PKD2: variants seen among roughly 807,000 people sequenced by gnomAD.
PKD2 encodes polycystin 2, transient receptor potential cation channel.
Under a neutral mutation model 105.9 loss-of-function variants are expected in PKD2, and 48 were observed. The observed-to-expected ratio is 0.45, with a 90% confidence interval of 0.36 to 0.58. The LOEUF is 0.58. PKD2 is among the 20% of genes least tolerant of loss of function. The probability of loss-of-function intolerance (pLI) is 0.00; values close to 1 mark genes in which losing one functional copy is unlikely to be tolerated. For synonymous variants in PKD2, 464 were observed against 481.1 expected (o/e 0.96, Z 0.46); for missense variants, 1,078 against 1,255.3 (o/e 0.86, Z 2.13).
chr4:88,034,594 G>C, intron 2 of PKD2, among the ~76,000 whole-genome samples: 1 of 151,434 alleles, frequency 6.6e-6, no homozygotes, highest in Admixed American at 6.6e-5. Context: ...CTTGAACCTG[G>C]GAGGGGGAGG....
rs1328188626 is a variant in PKD2, at chr4:88,072,174, G to C, written c.2523-2638G>C. 4.6e-5 allele frequency among the ~76,000 whole-genome samples: 7 copies of C among 151,598 alleles called. No individual in the cohort carries two copies. The East Asian group carries it at 1.4e-3, about 30-fold the overall frequency. On this transcript the variant is annotated intron_variant, in intron 13 of 14. Transcript: ENST00000237596. ...ATTTTTGCATTTTTTATAGAGATGGGGTTTTACCATGTTGCCCCGGCTGGT... is the reference window on the plus strand; with the variant it reads ...ATTTTTGCATTTTTTATAGAGATGGCGTTTTACCATGTTGCCCCGGCTGGT...
At chr4:88,055,919 G>A in intron 7 of PKD2, 167 bp from the exon 8 acceptor site, 3 of 636,332 alleles carry the variant, frequency 4.7e-6, no homozygotes, top group African/African-American at 1.8e-5. Flanking sequence ...TACAGTATTT[G>A]TCCTTTTGTG....
chr4:88,035,725 C>A (rs1727308479), intron 2 of PKD2, among the ~76,000 whole-genome samples: 1 of 152,172 alleles, frequency 6.6e-6, no homozygotes, highest in African/African-American at 2.4e-5. Flanking sequence ...GGGCACAGAA[C>A]AGGGCAGAGA....
At chr4:88,011,521 C>G (rs1391825793) in intron 1 of PKD2, among the ~76,000 whole-genome samples, 2 of 152,078 alleles carry the variant, frequency 1.3e-5, no homozygotes, top group Middle Eastern at 3.4e-3. Flanking sequence ...TAAGTCGACT[C>G]TTATTTCTCC....
intron 1 of PKD2, among the ~76,000 whole-genome samples, chr4:88,014,296 GTAGAAC>G (rs1726487846): frequency 6.6e-6 from 1 of 152,106 alleles, no homozygotes; most frequent in African/African-American, 2.4e-5. Context: ...GAATATGCAG[GTAGAAC>G]TACATGTTAA....
chr4:88,067,867 G>C (rs779473481), intron 12 of PKD2, 31 bp from the exon 13 acceptor site: 1 of 1,607,004 alleles, frequency 6.2e-7, no homozygotes, highest in South Asian at 1.1e-5. Context: ...TCAGTGTTCT[G>C]CTCCTCACTC....
chr4:88,065,990 ACT>A (rs144763357), intron 12 of PKD2, 111 bp downstream of exon 12: 1,801 of 709,914 alleles, frequency 2.5e-3, no homozygotes, highest in East Asian at 2.8e-3. Flanking sequence ...TCCCCACCAC[ACT>A]CTCTCTCTCT....
chr4:88,074,550 A>G (rs1193344291), intron 13 of PKD2, among the ~76,000 whole-genome samples: 1 of 152,204 alleles, frequency 6.6e-6, no homozygotes, highest in Non-Finnish European at 1.5e-5. Flanking sequence ...AAAATGTTCT[A>G]AAAATGGAAT....
intron 7 of PKD2, among the ~76,000 whole-genome samples, chr4:88,054,586 T>C (rs2728099): frequency 0.083 from 12,562 of 151,708 alleles, 712 homozygotes; most frequent in East Asian, 0.25. Flanking sequence ...AGTGCTTCTC[T>C]TGGAAATGTC....
chr4:88,065,587 CA>C (rs748665813), intron 11 of PKD2, 92 bp downstream of exon 11: 11 of 1,317,768 alleles, frequency 8.3e-6, no homozygotes, highest in Non-Finnish European at 9.8e-6. Context: ...AGGGCTCATA[CA>C]GATACTTTTT....
Position 88,008,024 on chromosome 4 carries a change from G to C in PKD2, c.291G>C (p.Glu97Asp). ...WSRDNPGFEA[E>D]EEEEEVEGEE... is the part of the protein sequence containing the mutation. ...GCGATAACCCCGGCTTCGAGGCCGAGGAGGAGGAGGAGGAGGTGGAAGGGG... is the reference window on the plus strand; with the variant it reads ...GCGATAACCCCGGCTTCGAGGCCGACGAGGAGGAGGAGGAGGTGGAAGGGG... Residue 97 changes from glutamate (E) to aspartate (D), a missense_variant, in exon 1 of 15, where the codon GAG becomes GAC. Glu to Asp is a conservative substitution (Grantham distance 45, BLOSUM62 2). Transcript: ENST00000237596. 1 of 1,204,598 alleles carries C rather than the reference G, an allele frequency of 8.3e-7. No individual in the cohort carries two copies. The highest frequency in any genetic ancestry group is 1.1e-6 in the Non-Finnish European group (1 of 914,784). 74.6% of individuals were successfully genotyped at this position (1,204,598 alleles called of 1,614,324 possible). A position where few individuals can be genotyped will look rare whatever the true frequency, so the allele number is the denominator to read the frequency against.
Position 88,051,859 on chromosome 4 carries a change from A to T in PKD2, c.1549-132A>T, listed in dbSNP as rs1333624072. On this transcript the variant is annotated intron_variant, in intron 6 of 14. Transcript: ENST00000237596. ...TCCATTTGAGTGAGTGACTTTTAAG[A>T]ATGACATCGGGTAAGTATAATGGTG... 8.2e-6 allele frequency: 5 copies of T among 607,008 alleles called. No individual in the cohort carries two copies. In the East Asian group the frequency reaches 1.4e-4, roughly 17 times the overall value. 37.6% of individuals were successfully genotyped at this position (607,008 alleles called of 1,614,324 possible). A position where few individuals can be genotyped will look rare whatever the true frequency, so the allele number is the denominator to read the frequency against.
chr4:88,058,056 C>A lies in PKD2; in HGVS notation c.1972C>A (p.Pro658Thr). The stretch of plus-strand genomic sequence containing the variant: ...TGAGGAAGCTAATCGAGTTTTGGGA[C>A]CAATTTATTTCACTACATTTGTGTT... ...EIEEANRVLG[P>T]IYFTTFVFFM... The change falls in exon 9 of 15, where the codon CCA becomes ACA. Residue 658 changes from proline (P) to threonine (T), a missense_variant. Transcript: ENST00000237596. 1 of 1,555,662 alleles carries A rather than the reference C, an allele frequency of 6.4e-7. No homozygotes were observed. Among genetic ancestry groups the A allele is most frequent in the Non-Finnish European group, 8.9e-7 (1 of 1,127,044 alleles).
At chr4:88,070,043 C>A (rs1331548206) in intron 13 of PKD2, among the ~76,000 whole-genome samples, 3 of 152,192 alleles carry the variant, frequency 2.0e-5, no homozygotes, top group Admixed American at 2.0e-4. Context: ...TGATTACTAT[C>A]TGGAGTCACT....
At chr4:88,022,377 C>A (rs1726784685) in intron 2 of PKD2, among the ~76,000 whole-genome samples, 1 of 152,170 alleles carries the variant, frequency 6.6e-6, no homozygotes, top group South Asian at 2.1e-4. Context: ...AACATCAGTC[C>A]ATTAATCAAG....
At position 88,008,302 on chromosome 4, in the gene PKD2, C is replaced by T. The variant is rs1458497276; in HGVS notation, c.569C>T (p.Ala190Val). 6.6e-7 allele frequency: 1 copy of T among 1,505,182 alleles called. No homozygotes were observed. Among genetic ancestry groups the T allele is most frequent in the South Asian group, 1.2e-5 (1 of 81,150 alleles). The allele number at this position is 1,505,182 out of a possible 1,614,324, so 93.2% of individuals were successfully genotyped here. ...GGGCAGCCGCCCCGAGTGGCCTGGG[C>T]GGAGAGGCTGGTTCGCGGGCTGCGA... ...LEGQPPRVAW[A>V]ERLVRGLRGL... is the part of the protein sequence containing the mutation. Residue 190 changes from alanine to valine, a missense_variant, in exon 1 of 15, where the codon GCG becomes GTG. Around this residue, in one of 2 missense-constraint regions of PKD2, gnomAD observed 868 missense variants for 1,067.3 expected, o/e 0.81. Transcript: ENST00000237596.
At position 88,065,812 on chromosome 4, in the gene PKD2, A is replaced by C; in HGVS notation, c.2291A>C (p.Gln764Pro). Residue 764 changes from glutamine (Q) to proline (P), a missense_variant, in exon 12 of 15, where the codon CAA (glutamine) becomes CCA (proline). By Grantham distance (76) the Gln-to-Pro change is moderately conservative. Coordinates refer to ENST00000237596, the MANE Select transcript of PKD2 (RefSeq NM_000297.4). ...EIEAIFTKYD[Q>P]DGDQELTEHE... ...GAGGCAATATTCACAAAGTACGACC[A>C]AGATGGAGACCAAGAACTGACCGAA... 1 of 1,613,928 alleles carries C rather than the reference A, an allele frequency of 6.2e-7. No homozygotes were observed. The highest frequency in any genetic ancestry group is 8.5e-7 in the Non-Finnish European group (1 of 1,179,796).
intron 1 of PKD2, among the ~76,000 whole-genome samples, chr4:88,018,223 C>T (rs1347673439): frequency 6.6e-6 from 1 of 152,020 alleles, no homozygotes; most frequent in African/African-American, 2.4e-5. Context: ...GAATTCAGTG[C>T]TGATTTTCCT....
chr4:88,036,060 A>G (rs1727319677), intron 2 of PKD2, 160 bp from the exon 3 acceptor site: 3 of 1,030,582 alleles, frequency 2.9e-6, no homozygotes, highest in Admixed American at 3.5e-5. Flanking sequence ...GAGATACCCT[A>G]GAAGAATGAT....
Sources: allele counts gnomAD v4.1 joint callset (sites outside exome capture counted in the v4.1 genomes callset), GRCh38; gene constraint gnomAD v4.1.1; regional missense constraint gnomAD v4.1.1; transcripts MANE v1.5; gene names NCBI Gene and HGNC (gene_info 2026-07-23, HGNC 2026-07-21).